Variants in CNOT1 observed in about 807,000 individuals in gnomAD.
CNOT1 encodes CCR4-NOT transcription complex subunit 1.
In CNOT1, 15 loss-of-function variants were observed where a neutral mutation model predicts 273.8. The observed-to-expected ratio is 0.05, with a 90% confidence interval of 0.04 to 0.08. CNOT1 has a LOEUF of 0.08. Among genes scored for constraint, CNOT1 ranks in the 10% least tolerant of loss-of-function variants. The probability of loss-of-function intolerance (pLI) is 1.00; values close to 1 mark genes in which losing one functional copy is unlikely to be tolerated. For missense variants in CNOT1, 1,644 were observed against 2,912.2 expected (o/e 0.56, Z 10.02); for synonymous variants, 1,022 against 1,005.5 (o/e 1.02, Z -0.31).
intron 19 of CNOT1, among the ~76,000 whole-genome samples, chr16:58,556,249 A>G (rs1000669833): frequency 1.1e-4 from 17 of 152,254 alleles, no homozygotes; most frequent in African/African-American, 4.1e-4. Flanking sequence ...CATTTAACAT[A>G]TAAGAATTAT....
intron 1 of CNOT1, among the ~76,000 whole-genome samples, chr16:58,621,893 G>C (rs1490885348): frequency 7.8e-6 from 1 of 128,004 alleles, no homozygotes; most frequent in Non-Finnish European, 1.7e-5. Flanking sequence ...CCTGGGCGAC[G>C]GAAAGAGACT....
At chr16:58,594,810 AAAAAG>A (rs1382557670) in intron 2 of CNOT1, among the ~76,000 whole-genome samples, 3 of 145,228 alleles carry the variant, frequency 2.1e-5, no homozygotes, top group Non-Finnish European at 3.0e-5. Context: ...ATTAAAAAAA[AAAAAG>A]AAAAAGAAAA....
chr16:58,603,417 G>C (rs986102149), intron 1 of CNOT1, among the ~76,000 whole-genome samples: 1 of 56,430 alleles, frequency 1.8e-5, no homozygotes, highest in Non-Finnish European at 3.0e-5. Flanking sequence ...AAGTGTGTGT[G>C]TGTGTGTGTG....
At chr16:58,620,267 G>C (rs745476466) in intron 1 of CNOT1, among the ~76,000 whole-genome samples, 1 of 152,164 alleles carries the variant, frequency 6.6e-6, no homozygotes, top group Non-Finnish European at 1.5e-5. Flanking sequence ...TTTGCTTAAG[G>C]AAATTAGGTA....
At chr16:58,618,918 C>T (rs1307412508) in intron 1 of CNOT1, among the ~76,000 whole-genome samples, 1 of 152,168 alleles carries the variant, frequency 6.6e-6, no homozygotes, top group African/African-American at 2.4e-5. Flanking sequence ...CCACGCCAGG[C>T]ATGGTGGCTC....
chr16:58,579,658 G>T (rs760743401), intron 12 of CNOT1, among the ~76,000 whole-genome samples: 1 of 152,074 alleles, frequency 6.6e-6, no homozygotes, highest in Non-Finnish European at 1.5e-5. Flanking sequence ...TTCTGGGAGG[G>T]TATAGATAGA....
chr16:58,593,583 AG>A (rs994517257), intron 2 of CNOT1, among the ~76,000 whole-genome samples: 1 of 150,608 alleles, frequency 6.6e-6, no homozygotes, highest in African/African-American at 2.4e-5. Flanking sequence ...AAAAAAAAAA[AG>A]TTAGCCAGGC....
Position 58,614,102 on chromosome 16 carries a change from AAAAAG to A in CNOT1, c.-174-14596_-174-14592del, listed in dbSNP as rs1420333966. 2.5e-5 allele frequency among the ~76,000 whole-genome samples: 3 copies of A among 120,712 alleles called. 1 individual carries two copies. The highest frequency in any genetic ancestry group is 5.9e-5 in the Non-Finnish European group (3 of 51,256). 79.2% of individuals were successfully genotyped at this position (120,712 alleles called of 152,430 possible). On this transcript the variant is annotated intron_variant, in intron 1 of 48. Coordinates refer to ENST00000317147, the MANE Select transcript of CNOT1 (RefSeq NM_016284.5). ...GCGAGACACTGTCTCAAAAAAAAAA[AAAAAG>A]AAAAGAAAATTACTCTCAAAACCAA...
At chr16:58,565,923 G>C (rs2041024832) in intron 16 of CNOT1, among the ~76,000 whole-genome samples, 1 of 139,154 alleles carries the variant, frequency 7.2e-6, no homozygotes, top group East Asian at 2.1e-4. Flanking sequence ...CTGGGCAAGA[G>C]AGCAAGACCC....
At chr16:58,621,910 C>CAAAAAA (rs58087048) in intron 1 of CNOT1, among the ~76,000 whole-genome samples, 2 of 85,348 alleles carry the variant, frequency 2.3e-5, no homozygotes, top group Non-Finnish European at 4.4e-5. Flanking sequence ...GACTCCGTCT[C>CAAAAAA]AAAAAAAAAA....
intron 33 of CNOT1, 32 bp from the exon 34 acceptor site, chr16:58,541,652 T>G: frequency 6.2e-7 from 1 of 1,605,518 alleles, no homozygotes. Flanking sequence ...TTGACAGAAT[T>G]CACTCAATAA....
At chr16:58,536,955 G>A (rs780392890) in intron 39 of CNOT1, 34 bp downstream of exon 39, 3 of 1,609,476 alleles carry the variant, frequency 1.9e-6, no homozygotes, top group Middle Eastern at 1.7e-4. Context: ...TACTTATGTT[G>A]AATAAAAAGC....
intron 2 of CNOT1, among the ~76,000 whole-genome samples, chr16:58,591,529 G>A (rs987109509): frequency 7.2e-5 from 11 of 152,078 alleles, no homozygotes; most frequent in East Asian, 5.8e-4. Context: ...TGAACTGGGC[G>A]GATCACCTGA....
At chr16:58,602,951 A>G (rs1361363653) in intron 1 of CNOT1, among the ~76,000 whole-genome samples, 3 of 152,070 alleles carry the variant, frequency 2.0e-5, no homozygotes, top group African/African-American at 7.2e-5. Flanking sequence ...AGCACTCCCC[A>G]TCTCAGTTGA....
intron 34 of CNOT1, among the ~76,000 whole-genome samples, chr16:58,540,928 G>A (rs545447183): frequency 2.0e-5 from 3 of 152,130 alleles, no homozygotes; most frequent in Non-Finnish European, 4.4e-5. Context: ...TGGGAAGGCT[G>A]GGCACAATGG....
At chr16:58,541,664 C>T in intron 33 of CNOT1, 44 bp from the exon 34 acceptor site, 1 of 1,598,230 alleles carries the variant, frequency 6.3e-7, no homozygotes, top group Non-Finnish European at 8.6e-7. Flanking sequence ...ACTCAATAAT[C>T]AAAATAAACT....
At chr16:58,524,975 TCTTTC>T (rs1261299956) in intron 46 of CNOT1, among the ~76,000 whole-genome samples, 199 bp downstream of exon 46, 1 of 152,260 alleles carries the variant, frequency 6.6e-6, no homozygotes, top group Admixed American at 6.5e-5. Context: ...TCTGGATAAT[TCTTTC>T]CTTTATGCTT....
At chr16:58,618,305 C>G (rs146790100) in intron 1 of CNOT1, among the ~76,000 whole-genome samples, 1 of 151,956 alleles carries the variant, frequency 6.6e-6, no homozygotes, top group African/African-American at 2.4e-5. Context: ...AGAGTTTGGC[C>G]GGGCACGGCA....
At chr16:58,584,938 A>C (rs2041786011) in intron 8 of CNOT1, among the ~76,000 whole-genome samples, 1 of 152,222 alleles carries the variant, frequency 6.6e-6, no homozygotes, top group Non-Finnish European at 1.5e-5. Context: ...AAAAGGAAGG[A>C]AGCCACAGAA....
Sources: gnomAD v4.1 joint callset for allele counts (sites outside exome capture counted in the v4.1 genomes callset) on GRCh38, gnomAD v4.1.1 for gene constraint, MANE v1.5 for transcripts, NCBI Gene and HGNC (gene_info 2026-07-23, HGNC 2026-07-21) for gene names.